The following COL4A4 variants were observed in gnomAD, a reference collection of about 807,000 sequenced individuals.
COL4A4 encodes collagen alpha-4(IV) chain.
COL4A4 carries 105 observed loss-of-function variants against 192.9 expected under a neutral mutation model. The ratio of observed to expected loss-of-function variants is 0.54; its 90% confidence interval spans 0.46 to 0.64. COL4A4 has a LOEUF of 0.64. Among genes scored for constraint, COL4A4 ranks in the 30% least tolerant of loss-of-function variants. The pLI is 0.00. For synonymous variants in COL4A4, 762 were observed against 769.9 expected (o/e 0.99, Z 0.17); for missense variants, 1,967 against 2,169.3 (o/e 0.91, Z 1.85).
chr2:227,049,774 C>T (rs911132321), intron 34 of COL4A4, among the ~76,000 whole-genome samples: 1 of 152,172 alleles, frequency 6.6e-6, no homozygotes, highest in Non-Finnish European at 1.5e-5. Flanking sequence ...CTCCTTGCAA[C>T]TGAGCTGTTA....
rs1465785058 is a variant in COL4A4 at position 227,058,843 on chromosome 2, G to T, written c.2383+562C>A. Among the ~76,000 whole-genome samples the T allele has an allele frequency of 3.3e-5, 5 of 152,300 alleles. No individual in the cohort carries two copies. In the South Asian group the frequency reaches 8.3e-4, roughly 25 times the overall value. ...AAAAACTCCACTGGGGATCCTGAAG[G>T]ATCCTTACTGATTTCAGAAAAGGAT... is the stretch of plus-strand genomic sequence containing the variant. On this transcript the variant is annotated intron_variant, in intron 28 of 47. Coordinates refer to ENST00000396625, the MANE Select transcript of COL4A4 (RefSeq NM_000092.5).
At chr2:227,007,720 A>C in intron 47 of COL4A4, 132 bp from the exon 48 acceptor site, 3 of 1,277,564 alleles carry the variant, frequency 2.3e-6, no homozygotes, top group Non-Finnish European at 3.2e-6. Flanking sequence ...ACAAAATACA[A>C]GCGCTGAAAA....
chr2:227,028,790 G>C (rs1399630245), intron 41 of COL4A4, among the ~76,000 whole-genome samples: 1 of 151,534 alleles, frequency 6.6e-6, no homozygotes, highest in Non-Finnish European at 1.5e-5. Flanking sequence ...CGAGTAGCTG[G>C]GACTACAGGC....
intron 25 of COL4A4, among the ~76,000 whole-genome samples, chr2:227,065,545 C>A (rs111609670): frequency 6.6e-6 from 1 of 152,228 alleles, no homozygotes; most frequent in Non-Finnish European, 1.5e-5. Context: ...AACAGGCAGA[C>A]TGCCTCCTCA....
intron 17 of COL4A4, 38 bp downstream of exon 17, chr2:227,101,466 C>T (rs1289332475): frequency 1.3e-6 from 2 of 1,505,802 alleles, no homozygotes; most frequent in Non-Finnish European, 9.1e-7. Context: ...AGGATATAAA[C>T]TTTTATCAGG....
chr2:227,080,399 T>C (rs1271311920), intron 24 of COL4A4, 44 bp downstream of exon 24: 1 of 1,506,148 alleles, frequency 6.6e-7, no homozygotes, highest in Admixed American at 1.7e-5. Context: ...TGTATGACCA[T>C]ATAAGAAAGT....
intron 25 of COL4A4, among the ~76,000 whole-genome samples, chr2:227,073,681 C>G (rs1289718967): frequency 6.6e-6 from 1 of 152,088 alleles, no homozygotes; most frequent in Admixed American, 6.6e-5. Context: ...CAGCATGGTA[C>G]TGTTGTAAAA....
chr2:227,020,177 G>C (rs745525415), intron 44 of COL4A4, among the ~76,000 whole-genome samples: 12 of 152,298 alleles, frequency 7.9e-5, no homozygotes, highest in Admixed American at 3.9e-4. Flanking sequence ...GCAGAACCCA[G>C]TTATAGGTCA....
chr2:227,050,626 T>C (rs1433803716), intron 33 of COL4A4, among the ~76,000 whole-genome samples: 1 of 152,208 alleles, frequency 6.6e-6, no homozygotes, highest in African/African-American at 2.4e-5. Context: ...AAATCTGTGA[T>C]ATCTGAAACT....
In COL4A4 at chr2:227,120,675, C is replaced by T. The variant is rs151075473; in HGVS notation, c.327+339G>A. On this transcript the variant is annotated intron_variant, in intron 5 of 47. Coordinates refer to ENST00000396625, the MANE Select transcript of COL4A4 (RefSeq NM_000092.5). ...AGTGCTGGCCAGGCACAGTGGCCAA[C>T]GCCTGTAATTACAGCATTTTGGGAG... 643 of 295,152 alleles carry T rather than the reference C, an allele frequency of 2.2e-3. 17 individuals carry two copies. The East Asian group carries it at 0.043, about 20-fold the overall frequency. 18.3% of individuals were successfully genotyped at this position (295,152 alleles called of 1,614,324 possible). A position where few individuals can be genotyped will look rare whatever the true frequency, so the allele number is the denominator to read the frequency against.
chr2:227,046,659 A>T (rs1342891046), intron 35 of COL4A4, among the ~76,000 whole-genome samples: 1 of 152,064 alleles, frequency 6.6e-6, no homozygotes, highest in Non-Finnish European at 1.5e-5. Flanking sequence ...CTGAAATGTA[A>T]ACATATATGA....
At chr2:227,002,168 C>CCA (rs1961143666), downstream of COL4A4, among the ~76,000 whole-genome samples, 1 of 76,170 alleles carries the variant, frequency 1.3e-5, no homozygotes, top group Non-Finnish European at 2.5e-5. Context: ...GACCCTGTCT[C>CCA]AAAAAAAAAA....
chr2:227,102,965 A>C, intron 14 of COL4A4, 117 bp from the exon 15 acceptor site: 1 of 1,204,620 alleles, frequency 8.3e-7, no homozygotes, highest in Non-Finnish European at 1.2e-6. Context: ...TATTGTCAGC[A>C]GCTTAAAGAA....
intron 3 of COL4A4, among the ~76,000 whole-genome samples, chr2:227,142,353 A>C (rs2063275372): frequency 6.6e-6 from 1 of 152,238 alleles, no homozygotes; most frequent in Admixed American, 6.5e-5. Flanking sequence ...TTCACTGGGA[A>C]TACATTCACG....
chr2:227,142,097 C>CA (rs531488311), intron 3 of COL4A4, among the ~76,000 whole-genome samples: 1,303 of 118,846 alleles, frequency 0.011, 14 homozygotes, highest in East Asian at 0.025. Flanking sequence ...TTAGTAGATT[C>CA]AAAAAAAAAA....
At chr2:227,110,863 G>A (rs2124828364) in intron 9 of COL4A4, among the ~76,000 whole-genome samples, 1 of 151,026 alleles carries the variant, frequency 6.6e-6, no homozygotes, top group African/African-American at 2.4e-5. Flanking sequence ...CGTATTTTTA[G>A]TAGATAGGGG....
chr2:227,155,059 G>A (rs2125484515), intron 1 of COL4A4, among the ~76,000 whole-genome samples: 1 of 152,320 alleles, frequency 6.6e-6, no homozygotes, highest in Non-Finnish European at 1.5e-5. Context: ...CCGGAATGTG[G>A]ATGGAGCTTC....
the COL4A4 span, among the ~76,000 whole-genome samples, chr2:226,973,029 A>G: frequency 2.6e-5 from 4 of 152,006 alleles, no homozygotes; most frequent in Admixed American, 2.6e-4. Context: ...ACTTCAAAGT[A>G]GAGATTCAGA....
At chr2:227,023,546 A>G (rs1261817500) in intron 43 of COL4A4, among the ~76,000 whole-genome samples, 1 of 152,176 alleles carries the variant, frequency 6.6e-6, no homozygotes, top group Non-Finnish European at 1.5e-5. Flanking sequence ...TCATTCAGTC[A>G]TCCTGCAAAC....
Sources: gnomAD v4.1 joint callset for allele counts (sites outside exome capture counted in the v4.1 genomes callset) on GRCh38, gnomAD v4.1.1 for gene constraint, MANE v1.5 for transcripts, NCBI Gene and HGNC (gene_info 2026-07-23, HGNC 2026-07-21) for gene names.